The following WIZ variants were observed in gnomAD, a reference collection of about 807,000 sequenced individuals.
WIZ encodes the protein protein Wiz.
WIZ carries 25 observed loss-of-function variants against 140.2 expected under a neutral mutation model. The observed-to-expected ratio is 0.18, with a 90% CI of 0.13 to 0.25. The LOEUF is 0.25. WIZ is among the 10% of genes least tolerant of loss of function. The pLI is 1.00. For synonymous variants in WIZ, 1,125 were observed against 1,154.3 expected, an observed-to-expected ratio of 0.97 and a Z score of 0.51; for missense variants, 2,231 against 2,632.6, an observed-to-expected ratio of 0.85 and a Z score of 3.34.
rs1009486830 is a variant in WIZ, at chr19:15,428,495, G to A, written c.3429C>T (p.Asp1143=). The A allele has an allele frequency of 9.1e-6, 14 of 1,535,488 alleles. No homozygotes were observed. The highest frequency in any genetic ancestry group is 1.1e-5 in the Non-Finnish European group (13 of 1,146,800). Reference sequence around the variant, plus strand: ...GCTGGCAGTCCAGCTCTCTGCCCCCGTCACTATCTAAAGCTGCGGAGACAA... The same window carrying A: ...GCTGGCAGTCCAGCTCTCTGCCCCCATCACTATCTAAAGCTGCGGAGACAA... ...EGPLNLTLDS[D]GGRELDCQLC... is the part of the protein sequence containing the mutation. Residue 1143 remains aspartate (D), a synonymous_variant, in exon 8 of 13, where the codon GAC becomes GAT. Coordinates refer to ENST00000673675, the MANE Select transcript of WIZ (RefSeq NM_001371589.1). This position sits in a 1 kb window ranked among gnomAD's most constrained non-coding sequence, Gnocchi z 6.4.
chr19:15,425,080 G>C, intron 10 of WIZ, 48 bp from the exon 11 acceptor site: 1 of 1,514,290 alleles, frequency 6.6e-7, no homozygotes, highest in Non-Finnish European at 8.8e-7. Flanking sequence ...AAGGGGGCAG[G>C]TGCACCCAGA....
In WIZ at chr19:15,438,938, G is replaced by C. The variant is rs1568309218; in HGVS notation, c.2056C>G (p.Leu686Val). Residue 686 changes from leucine (L) to valine (V), a missense_variant, in exon 4 of 13, where the codon CTC (leucine) becomes GTC (valine). Physicochemically the swap from Leu to Val is conservative, Grantham distance 32. This residue lies in a region of WIZ where 475 missense variants were observed against 520.2 expected (regional missense o/e 0.91). Transcript: ENST00000673675. ...QQLRGMVPIV[L>V]VAKLGPQVMA... Reference sequence around the variant, plus strand: ...ACCTGCGGCCCCAGCTTCGCCACGAGCACAATGGGTACCATCCCTCGGAGC... The same window carrying C: ...ACCTGCGGCCCCAGCTTCGCCACGACCACAATGGGTACCATCCCTCGGAGC... 1 of 1,447,006 alleles carries C rather than the reference G, an allele frequency of 6.9e-7. No homozygotes were observed. Among genetic ancestry groups the C allele is most frequent in the Non-Finnish European group, 9.1e-7 (1 of 1,101,450 alleles). The allele number at this position is 1,447,006 out of a possible 1,614,324, so 89.6% of individuals were successfully genotyped here.
chr19:15,424,999 TA>T lies in WIZ; in HGVS notation c.4927del (p.Tyr1643ThrfsTer21). 1 of 1,598,188 alleles carries T rather than the reference TA, an allele frequency of 6.3e-7. No individual in the cohort carries two copies. On this transcript the variant is annotated frameshift_variant, in exon 11 of 13. Transcript: ENST00000673675. LOFTEE classifies it high-confidence loss of function. This position sits in a 1 kb window ranked among gnomAD's most constrained non-coding sequence, Gnocchi z 9.7. ...GGCCAGGGCCTTGCGGTTTTCAAAG[TA>T]AAGGCCACACAGCTCGCAGCAGGCC... ...TEACCELCGL[Y>X]FENRKALASH... is the part of the protein sequence containing the mutation.
intron 1 of WIZ, 42 bp from the exon 2 acceptor site, chr19:15,448,409 G>T (rs746046153): frequency 7.2e-5 from 103 of 1,423,870 alleles, no homozygotes; most frequent in Non-Finnish European, 9.5e-5. Flanking sequence ...ATGGAGGAAA[G>T]GGAATCTGCC....
At chr19:15,431,604 G>A (rs754052369) in intron 5 of WIZ, among the ~76,000 whole-genome samples, 2 of 152,188 alleles carry the variant, frequency 1.3e-5, no homozygotes. Context: ...CAGAGGCAGG[G>A]AGCCAGGGAG....
Position 15,426,992 on chromosome 19 carries a change from G to A in WIZ, c.4356C>T (p.Pro1452=). Residue 1452 remains proline, a synonymous_variant, in exon 9 of 13, where the codon CCC becomes CCT. Coordinates refer to ENST00000673675, the MANE Select transcript of WIZ (RefSeq NM_001371589.1). ...PWGAPREDMT[P]LNLSSRAEPV... Reference sequence around the variant, plus strand: ...CAGGGTCACACTTACACAGGTTCAGGGGTGTCATGTCTTCCCGTGGTGCCC... The same window carrying A: ...CAGGGTCACACTTACACAGGTTCAGAGGTGTCATGTCTTCCCGTGGTGCCC... The A allele has an allele frequency of 1.9e-6, 3 of 1,612,350 alleles. No homozygotes were observed. Among genetic ancestry groups the A allele is most frequent in the South Asian group, 1.1e-5 (1 of 90,908 alleles).
In WIZ at chr19:15,424,050, G is replaced by C; in HGVS notation, c.5510+133C>G. Reference sequence around the variant, plus strand: ...AGCTCAGGGTGTCAGCCTTTAGCCTGAGCCCCACCACACCCAAGGGCAGCC... The same window carrying C: ...AGCTCAGGGTGTCAGCCTTTAGCCTCAGCCCCACCACACCCAAGGGCAGCC... On this transcript the variant is annotated intron_variant, in intron 12 of 12. Coordinates refer to ENST00000673675, the MANE Select transcript of WIZ (RefSeq NM_001371589.1). This position sits in a 1 kb window ranked among gnomAD's most constrained non-coding sequence, Gnocchi z 9.7. The C allele has an allele frequency of 1.2e-6, 1 of 810,808 alleles. No homozygotes were observed. The highest frequency in any genetic ancestry group is 1.8e-6 in the Non-Finnish European group (1 of 551,564). 50.2% of individuals were successfully genotyped at this position (810,808 alleles called of 1,614,324 possible). A position where few individuals can be genotyped will look rare whatever the true frequency, so the allele number is the denominator to read the frequency against.
At chr19:15,445,326 C>T (rs528785772) in intron 2 of WIZ, among the ~76,000 whole-genome samples, 10 of 152,218 alleles carry the variant, frequency 6.6e-5, no homozygotes, top group African/African-American at 1.7e-4. Flanking sequence ...CCCTGAAGGG[C>T]GTGCCTCTCC....
chr19:15,440,696 G>A lies in WIZ; in HGVS notation c.298C>T (p.Leu100=). The A allele has an allele frequency of 6.7e-7, 1 of 1,501,624 alleles. No homozygotes were observed. The highest frequency in any genetic ancestry group is 2.5e-5 in the East Asian group (1 of 40,466). 93.0% of individuals were successfully genotyped at this position (1,501,624 alleles called of 1,614,324 possible). A position where few individuals can be genotyped will look rare whatever the true frequency, so the allele number is the denominator to read the frequency against. The change falls in exon 4 of 13, where the codon CTG becomes TTG. Residue 100 remains leucine (L), a synonymous_variant. Transcript: ENST00000673675. This position sits in a 1 kb window ranked among gnomAD's most constrained non-coding sequence, Gnocchi z 6.2. ...ISSCCWDGGS[L]DFRPGSPPPH... ...GGTGGGGAGCCCGGCCGGAAGTCCAGGCTGCCTCCATCCCAGCAGCTGCAA... is the reference window on the plus strand; with the variant it reads ...GGTGGGGAGCCCGGCCGGAAGTCCAAGCTGCCTCCATCCCAGCAGCTGCAA...
chr19:15,422,921 C>T lies in WIZ; in HGVS notation c.*155G>A. 8.4e-7 allele frequency: 1 copy of T among 1,191,792 alleles called. No homozygotes were observed. The highest frequency in any genetic ancestry group is 1.1e-6 in the Non-Finnish European group (1 of 880,668). 73.8% of individuals were successfully genotyped at this position (1,191,792 alleles called of 1,614,324 possible). On this transcript the variant is annotated 3_prime_UTR_variant, in exon 13 of 13. Coordinates refer to ENST00000673675, the MANE Select transcript of WIZ (RefSeq NM_001371589.1). ...AGGGCAGCTAGCTGGCTCCCGGCGC[C>T]CTGGCTGTAGTGTGCCCGGCCCCCA...
In WIZ at chr19:15,440,338, A is replaced by G; in HGVS notation, c.656T>C (p.Phe219Ser). 3 of 1,525,770 alleles carry G rather than the reference A, an allele frequency of 2.0e-6. No homozygotes were observed. Among genetic ancestry groups the G allele is most frequent in the South Asian group, 2.4e-5 (2 of 83,278 alleles). The allele number at this position is 1,525,770 out of a possible 1,614,324, so 94.5% of individuals were successfully genotyped here. A position where few individuals can be genotyped will look rare whatever the true frequency, so the allele number is the denominator to read the frequency against. ...PPPLAPFRRV[F>S]VPVEDTPKTL... ...CTTCGGGGTGTCTTCCACTGGCACA[A>G]ACACCCTCCTGAAGGGGGCGAGGGG... The change falls in exon 4 of 13, where the codon TTT becomes TCT. Residue 219 changes from phenylalanine to serine, a missense_variant. Physicochemically the swap from Phe to Ser is radical, Grantham distance 155 (BLOSUM62 -2). Transcript: ENST00000673675. The surrounding 1 kb of genome is among the most constrained non-coding windows in gnomAD (Gnocchi z 6.2).
intron 6 of WIZ, 80 bp downstream of exon 6, chr19:15,430,932 T>TA: frequency 2.1e-6 from 3 of 1,423,532 alleles, no homozygotes; most frequent in Non-Finnish European, 2.8e-6. Flanking sequence ...GGCCCCACAT[T>TA]AACCCCAAGG....
At position 15,427,454 on chromosome 19, in the gene WIZ, G is replaced by A; in HGVS notation, c.3894C>T (p.Ser1298=). Residue 1298 remains serine (S), a synonymous_variant, in exon 9 of 13, where the codon AGC becomes AGT. Coordinates refer to ENST00000673675, the MANE Select transcript of WIZ (RefSeq NM_001371589.1). This position sits in a 1 kb window ranked among gnomAD's most constrained non-coding sequence, Gnocchi z 6.4. ...EFFENRKGLS[S]HARSHLRQMG... ...TTTGCCGCAGATGGGAGCGCGCGTG[G>A]CTCGAGAGGCCCTTGCGGTTCTCGA... 6.2e-7 allele frequency: 1 copy of A among 1,613,598 alleles called. No individual in the cohort carries two copies. The highest frequency in any genetic ancestry group is 8.5e-7 in the Non-Finnish European group (1 of 1,180,012).
chr19:15,447,180 G>A (rs1344636005), intron 2 of WIZ, among the ~76,000 whole-genome samples: 2 of 152,166 alleles, frequency 1.3e-5, no homozygotes, highest in Non-Finnish European at 2.9e-5. Flanking sequence ...TGGGGGTGGG[G>A]GGTGTGATAC....
Position 15,439,098 on chromosome 19 carries a change from C to T in WIZ, c.1896G>A (p.Met632Ile), listed in dbSNP as rs990158409. The change falls in exon 4 of 13, where the codon ATG becomes ATA. Residue 632 changes from methionine to isoleucine, a missense_variant. Met to Ile is a conservative substitution (Grantham distance 10, BLOSUM62 1). This residue lies in a region of WIZ where 475 missense variants were observed against 520.2 expected (regional missense o/e 0.91). Transcript: ENST00000673675. The surrounding 1 kb of genome is among the most constrained non-coding windows in gnomAD (Gnocchi z 7.0). ...AGACCCCATTTTCAGGGGAAAAATCCATCTCGGAGGTCAGCACTACATCCT... is the reference window on the plus strand; with the variant it reads ...AGACCCCATTTTCAGGGGAAAAATCTATCTCGGAGGTCAGCACTACATCCT... Reference protein sequence around the residue: ...EEEDVVLTSEMDFSPENGVFS... With the variant: ...EEEDVVLTSEIDFSPENGVFS... 1 of 1,486,816 alleles carries T rather than the reference C, an allele frequency of 6.7e-7. No individual in the cohort carries two copies. The highest frequency in any genetic ancestry group is 8.9e-7 in the Non-Finnish European group (1 of 1,120,550). The allele number at this position is 1,486,816 out of a possible 1,614,324, so 92.1% of individuals were successfully genotyped here.
At position 15,428,058 on chromosome 19, in the gene WIZ, G is replaced by C. The variant is rs551148551; in HGVS notation, c.3814+52C>G. 6.6e-7 allele frequency: 1 copy of C among 1,518,570 alleles called. No individual in the cohort carries two copies. Among genetic ancestry groups the C allele is most frequent in the East Asian group, 2.4e-5 (1 of 40,838 alleles). The allele number at this position is 1,518,570 out of a possible 1,614,324, so 94.1% of individuals were successfully genotyped here. On this transcript the variant is annotated intron_variant, in intron 8 of 12. Transcript: ENST00000673675. The surrounding 1 kb of genome is among the most constrained non-coding windows in gnomAD (Gnocchi z 6.4). ...GAGGGGGCTGTGACCCCCCCCCCGGGAGGGGCTCCAGGGCCCGCAGTGAGG... is the reference window on the plus strand; with the variant it reads ...GAGGGGGCTGTGACCCCCCCCCCGGCAGGGGCTCCAGGGCCCGCAGTGAGG...
chr19:15,441,772 G>A (rs1701881133), intron 3 of WIZ, among the ~76,000 whole-genome samples: 2 of 152,152 alleles, frequency 1.3e-5, no homozygotes, highest in African/African-American at 2.4e-5. Flanking sequence ...CATCCTCCTG[G>A]GGCTGTGGCA....
At chr19:15,447,288 C>T (rs1969951495) in intron 2 of WIZ, among the ~76,000 whole-genome samples, 1 of 152,158 alleles carries the variant, frequency 6.6e-6, no homozygotes, top group Non-Finnish European at 1.5e-5. Flanking sequence ...GCTGTTCCCT[C>T]CACCCAGAAT....
rs528629604 is a variant in WIZ, at chr19:15,442,366, G to C, written c.278+310C>G. On this transcript the variant is annotated intron_variant, in intron 3 of 12. Transcript: ENST00000673675. This position sits in a 1 kb window ranked among gnomAD's most constrained non-coding sequence, Gnocchi z 5.5. ...TTGCAGATGAGAAAACTGAGGCCCA[G>C]AGAGGCCTAGTATCATTCTAAGGGT... is the stretch of plus-strand genomic sequence containing the variant. 2.6e-5 allele frequency among the ~76,000 whole-genome samples: 4 copies of C among 152,280 alleles called. No individual in the cohort carries two copies. The East Asian group carries it at 5.8e-4, about 22-fold the overall frequency.
Sources: allele counts gnomAD v4.1 joint callset (sites outside exome capture counted in the v4.1 genomes callset), GRCh38; gene constraint gnomAD v4.1.1; regional missense constraint gnomAD v4.1.1; non-coding constraint Gnocchi (gnomAD v3.1); transcripts MANE v1.5; gene names NCBI Gene and HGNC (gene_info 2026-07-23, HGNC 2026-07-21).